TANC2: variants seen among roughly 807,000 people sequenced by gnomAD.
TANC2 encodes the protein tetratricopeptide repeat, ankyrin repeat and coiled-coil containing 2.
TANC2 carries 26 observed loss-of-function variants against 210.5 expected under a neutral mutation model. That is an observed-to-expected ratio of 0.12 (90% CI 0.09 to 0.17). The LOEUF (loss-of-function observed/expected upper bound fraction) is 0.17. TANC2 is among the 10% of genes least tolerant of loss of function. TANC2 has a pLI of 1.00. For missense variants in TANC2, 2,129 were observed against 2,608.9 expected (o/e 0.82, Z 4.01); for synonymous variants, 931 against 967.1 (o/e 0.96, Z 0.69).
chr17:63,053,066 G>C (rs961555994), intron 2 of TANC2, among the ~76,000 whole-genome samples: 3 of 152,178 alleles, frequency 2.0e-5, no homozygotes, highest in Admixed American at 1.3e-4. Flanking sequence ...CTCTAGTCCA[G>C]AGATAGGGTA....
At chr17:62,968,034 C>T (rs868285488) in intron 1 of TANC2, among the ~76,000 whole-genome samples, 1 of 152,114 alleles carries the variant, frequency 6.6e-6, no homozygotes, top group African/African-American at 2.4e-5. Context: ...GATATATGTG[C>T]ATGTATATTA....
intron 3 of TANC2, among the ~76,000 whole-genome samples, chr17:63,079,171 A>C (rs1349003201): frequency 6.6e-6 from 1 of 152,148 alleles, no homozygotes; most frequent in Non-Finnish European, 1.5e-5. Flanking sequence ...AAAGAAGAAA[A>C]AGCCAGGGGA....
At chr17:63,231,468 C>T (rs1364756348) in intron 7 of TANC2, among the ~76,000 whole-genome samples, 7 of 152,144 alleles carry the variant, frequency 4.6e-5, no homozygotes, top group Admixed American at 3.9e-4. Context: ...TGACAAATTC[C>T]TGCAGCATTT....
intron 1 of TANC2, among the ~76,000 whole-genome samples, chr17:62,976,930 C>T (rs1303227962): frequency 2.0e-5 from 3 of 152,120 alleles, no homozygotes; most frequent in Non-Finnish European, 2.9e-5. Flanking sequence ...AGTCGCTAGC[C>T]AATCGTGACA....
At chr17:63,424,322 A>G (rs959910024) in exon 28 of TANC2, 88 of 152,306 alleles carry the variant, frequency 5.8e-4, no homozygotes, top group African/African-American at 2.0e-3. Flanking sequence ...TGGCCATCAT[A>G]AGAGGGAGTA....
chr17:63,129,150 G>A (rs1313641887), intron 4 of TANC2, among the ~76,000 whole-genome samples: 1 of 151,994 alleles, frequency 6.6e-6, no homozygotes, highest in African/African-American at 2.4e-5. Context: ...GCTACACCAT[G>A]TGTCCGGCTG....
At chr17:63,422,435 C>G (rs575395870) in exon 28 of TANC2, 1 of 169,236 alleles carries the variant, frequency 5.9e-6, no homozygotes, top group Non-Finnish European at 1.3e-5. Context: ...AGCGCATTCT[C>G]ATGCTGTGGC....
intron 12 of TANC2, 101 bp from the exon 13 acceptor site, chr17:63,351,149 T>C: frequency 9.3e-7 from 1 of 1,080,516 alleles, no homozygotes; most frequent in Non-Finnish European, 1.3e-6. Flanking sequence ...TGACAAGCCT[T>C]TTCTAATATT....
At chr17:63,379,939 A>C in intron 15 of TANC2, 113 bp downstream of exon 15, 1 of 886,086 alleles carries the variant, frequency 1.1e-6, no homozygotes, top group Non-Finnish European at 1.7e-6. Flanking sequence ...TTTGCTGCAA[A>C]CTTGGTTCAT....
intron 3 of TANC2, among the ~76,000 whole-genome samples, chr17:63,098,772 GAGAA>G (rs1166435290): frequency 6.6e-6 from 1 of 151,710 alleles, no homozygotes; most frequent in African/African-American, 2.4e-5. Flanking sequence ...TGGAGGAGGG[GAGAA>G]AGAAATAGAG....
At chr17:63,395,364 A>T (rs944534007) in intron 17 of TANC2, among the ~76,000 whole-genome samples, 4 of 152,222 alleles carry the variant, frequency 2.6e-5, no homozygotes, top group Admixed American at 2.0e-4. Context: ...GATTTCAAAG[A>T]TAATTTTTTT....
chr17:63,374,279 C>G (rs181318037), intron 14 of TANC2, among the ~76,000 whole-genome samples: 13 of 152,172 alleles, frequency 8.5e-5, no homozygotes, highest in Admixed American at 1.3e-4. Context: ...CTCGAGCGAC[C>G]CTCCCACCTT....
rs142645949 is a variant in TANC2 at position 63,367,126 on chromosome 17, G to A, written c.2582+11736G>A. ...GAGTACTGAATTGGAAAGTGAATCT[G>A]GAAGTCCTTGCATTGCTCTTCCTTG... is the stretch of plus-strand genomic sequence containing the variant. On this transcript the variant is annotated intron_variant, in intron 14 of 27. Transcript: ENST00000689528. Among the ~76,000 whole-genome samples, 820 of 152,334 alleles carry A rather than the reference G, an allele frequency of 5.4e-3. 11 individuals are homozygous for A. The highest frequency in any genetic ancestry group is 0.019 in the African/African-American group (788 of 41,572).
At position 63,205,456 on chromosome 17, in the gene TANC2, T is replaced by C. The variant is rs535950662; in HGVS notation, c.769+4499T>C. ...AGACATCCTGTATTCATGGATTGGA[T>C]ATAGGAGAGGAACAGAGAACATAGG... On this transcript the variant is annotated intron_variant, in intron 7 of 27. Coordinates refer to ENST00000689528, the Ensembl canonical transcript of TANC2. Among the ~76,000 whole-genome samples, 198 of 148,922 alleles carry C rather than the reference T, an allele frequency of 1.3e-3. 1 individual carries two copies. In the South Asian group the frequency reaches 0.021, roughly 16 times the overall value.
chr17:63,160,110 T>G (rs2039975162), intron 5 of TANC2, among the ~76,000 whole-genome samples: 1 of 152,244 alleles, frequency 6.6e-6, no homozygotes. Context: ...TAATCCTATT[T>G]GGATCAGGGC....
chr17:63,308,962 C>G lies in TANC2; in HGVS notation c.1160-5426C>G, dbSNP rs372020356. 6.6e-5 allele frequency among the ~76,000 whole-genome samples: 10 copies of G among 152,180 alleles called. No homozygotes were observed. In the East Asian group the frequency reaches 1.5e-3, roughly 23 times the overall value. ...TTTTGTTTTGGAGTATTGTTAGCTT[C>G]CATCTGCATATACTGTAAATTGTAA... On this transcript the variant is annotated intron_variant, in intron 9 of 27. Coordinates refer to ENST00000689528, the Ensembl canonical transcript of TANC2.
chr17:63,137,062 A>G (rs993097399), intron 4 of TANC2, among the ~76,000 whole-genome samples: 3 of 152,200 alleles, frequency 2.0e-5, no homozygotes, highest in African/African-American at 4.8e-5. Context: ...TAGAGTCCCA[A>G]CAGGAATGGG....
intron 11 of TANC2, among the ~76,000 whole-genome samples, chr17:63,336,254 T>C (rs2046024072): frequency 6.6e-6 from 1 of 152,246 alleles, no homozygotes; most frequent in Admixed American, 6.5e-5. Context: ...AGAGTAAGCG[T>C]GTGACAGCTG....
intron 4 of TANC2, among the ~76,000 whole-genome samples, chr17:63,147,865 C>T (rs1442049847): frequency 6.6e-6 from 1 of 152,166 alleles, no homozygotes; most frequent in African/African-American, 2.4e-5. Flanking sequence ...TCCCCTTAGA[C>T]ATCTTTGTTT....
Sources: gnomAD v4.1 joint callset for allele counts (sites outside exome capture counted in the v4.1 genomes callset) on GRCh38, gnomAD v4.1.1 for gene constraint, MANE v1.5 for transcripts, NCBI Gene and HGNC (gene_info 2026-07-23, HGNC 2026-07-21) for gene names.